Variants in LRP1B observed in about 807,000 individuals in gnomAD.
LRP1B encodes the protein low-density lipoprotein receptor-related protein 1B.
Under a neutral mutation model 556.6 loss-of-function variants are expected in LRP1B, and 217 were observed. That is an observed-to-expected ratio of 0.39 (90% confidence interval 0.35 to 0.44). The LOEUF is 0.44. Among genes scored for constraint, LRP1B ranks in the 20% least tolerant of loss-of-function variants. The pLI is 1.00. For missense variants in LRP1B, 5,053 were observed against 5,620.8 expected (o/e 0.90, Z 3.23); for synonymous variants, 2,047 against 1,865.8 (o/e 1.10, Z -2.50).
intron 68 of LRP1B, among the ~76,000 whole-genome samples, chr2:140,375,101 C>A (rs1183887068): frequency 6.6e-6 from 1 of 151,642 alleles, no homozygotes; most frequent in Non-Finnish European, 1.5e-5. Context: ...ACCTTTGCAA[C>A]CTCCAAAGTG....
rs190311643 is a variant in LRP1B at position 140,962,454 on chromosome 2, T to C, written c.2888-10514A>G. On this transcript the variant is annotated intron_variant, in intron 18 of 90. Coordinates refer to ENST00000389484, the MANE Select transcript of LRP1B (RefSeq NM_018557.3). ...TAGAGAATACATCAATAAAACACGATAGTGTTTTAAAACTTTAGAAGTTTT... is the reference window on the plus strand; with the variant it reads ...TAGAGAATACATCAATAAAACACGACAGTGTTTTAAAACTTTAGAAGTTTT... 3.4e-3 allele frequency among the ~76,000 whole-genome samples: 515 copies of C among 152,238 alleles called. 1 individual carries two copies. The highest frequency in any genetic ancestry group is 0.011 in the African/African-American group (439 of 41,538).
At chr2:141,027,037 GA>G (rs144575202) in intron 11 of LRP1B, among the ~76,000 whole-genome samples, 3 of 151,404 alleles carry the variant, frequency 2.0e-5, no homozygotes, top group Non-Finnish European at 4.4e-5. Context: ...GAATTGTAAA[GA>G]AAAAAAATGA....
At chr2:142,103,285 ACTT>A (rs1335385380) in intron 1 of LRP1B, among the ~76,000 whole-genome samples, 4 of 151,886 alleles carry the variant, frequency 2.6e-5, no homozygotes, top group East Asian at 1.9e-4. Flanking sequence ...ATTTGCATAA[ACTT>A]CTTTTCTTAT....
intron 43 of LRP1B, among the ~76,000 whole-genome samples, chr2:140,546,759 T>C (rs1680356007): frequency 6.6e-6 from 1 of 152,186 alleles, no homozygotes; most frequent in Non-Finnish European, 1.5e-5. Flanking sequence ...ATCGGAATGC[T>C]TCCAGCTTTT....
At position 142,130,757 on chromosome 2, in the gene LRP1B, C is replaced by G; in HGVS notation, c.-28G>C. 6.3e-7 allele frequency: 1 copy of G among 1,586,212 alleles called. No individual in the cohort carries two copies. Among genetic ancestry groups the G allele is most frequent in the Non-Finnish European group, 8.6e-7 (1 of 1,161,026 alleles). On this transcript the variant is annotated 5_prime_UTR_variant, in exon 1 of 91. Coordinates refer to ENST00000389484, the MANE Select transcript of LRP1B (RefSeq NM_018557.3). ...TGGTCGCCCGGTAAGGAAGCCTGCG[C>G]TGGAGACTGCTCGGCGGCACCTTCG...
At chr2:141,560,170 C>A (rs1305901708) in intron 2 of LRP1B, among the ~76,000 whole-genome samples, 1 of 151,636 alleles carries the variant, frequency 6.6e-6, no homozygotes, top group African/African-American at 2.4e-5. Context: ...TCACGATATA[C>A]TAAATTAGCT....
In LRP1B at chr2:141,862,984, T is replaced by C. The variant is rs1698297207; in HGVS notation, c.83-52583A>G. Among the ~76,000 whole-genome samples the C allele has an allele frequency of 2.0e-5, 3 of 152,192 alleles. 1 individual carries two copies. In the South Asian group the frequency reaches 6.2e-4, roughly 31 times the overall value. On this transcript the variant is annotated intron_variant, in intron 1 of 90. Coordinates refer to ENST00000389484, the MANE Select transcript of LRP1B (RefSeq NM_018557.3). ...TCAGTGTTGGCTGAATAGACCTTCT[T>C]ATTGCTGAGCTCTCTCTTATGCATT...
At chr2:141,963,966 C>A (rs1447051615) in intron 1 of LRP1B, among the ~76,000 whole-genome samples, 2 of 92,296 alleles carry the variant, frequency 2.2e-5, no homozygotes, top group African/African-American at 4.5e-5. Context: ...AAACAGAGAG[C>A]CAAATCATGA....
Position 141,020,084 on chromosome 2 carries a change from C to A in LRP1B, c.1808G>T (p.Gly603Val), listed in dbSNP as rs1162119235. The stretch of plus-strand genomic sequence containing the variant: ...ATTTCCAATCCAGTCCACAGCAATG[C>A]CCTCTACATTATCCAGATCTATAAA... ...ILKDDLDNVEGIAVDWIGNNL... is the reference protein window; with the variant it reads ...ILKDDLDNVEVIAVDWIGNNL... Residue 603 changes from glycine to valine, a missense_variant, in exon 12 of 91, where the codon GGC becomes GTC. By Grantham distance (109) the Gly-to-Val change is moderately radical. Transcript: ENST00000389484. 1 of 1,596,558 alleles carries A rather than the reference C, an allele frequency of 6.3e-7. No individual in the cohort carries two copies.
intron 35 of LRP1B, among the ~76,000 whole-genome samples, chr2:140,766,427 A>C (rs760176120): frequency 2.0e-5 from 3 of 152,024 alleles, no homozygotes; most frequent in Non-Finnish European, 2.9e-5. Flanking sequence ...AAAGGATCAG[A>C]CTGTAAAGTA....
chr2:140,675,910 A>T (rs555806828), intron 41 of LRP1B, among the ~76,000 whole-genome samples: 2 of 152,304 alleles, frequency 1.3e-5, no homozygotes, highest in East Asian at 3.9e-4. Flanking sequence ...TGCTCTCATT[A>T]TCAATTGCTA....
At chr2:142,049,626 C>T (rs1188277259) in intron 1 of LRP1B, among the ~76,000 whole-genome samples, 1 of 152,062 alleles carries the variant, frequency 6.6e-6, no homozygotes, top group African/African-American at 2.4e-5. Flanking sequence ...TATAATGCCT[C>T]ACGATTCCCA....
At chr2:140,588,021 T>A (rs1351741197) in intron 43 of LRP1B, among the ~76,000 whole-genome samples, 2 of 151,674 alleles carry the variant, frequency 1.3e-5, no homozygotes, top group African/African-American at 4.8e-5. Flanking sequence ...ATCAAAACAG[T>A]CTCAGATGAA....
intron 1 of LRP1B, among the ~76,000 whole-genome samples, chr2:141,953,791 TC>T (rs1387528866): frequency 6.6e-6 from 1 of 152,110 alleles, no homozygotes; most frequent in Non-Finnish European, 1.5e-5. Context: ...TGCCATTCAT[TC>T]ATTCATGTAT....
At chr2:141,043,635 G>GAAAT (rs1698773747) in intron 11 of LRP1B, among the ~76,000 whole-genome samples, 1 of 151,706 alleles carries the variant, frequency 6.6e-6, no homozygotes, top group African/African-American at 2.4e-5. Context: ...TGATATGAAA[G>GAAAT]GTTATTTTAA....
chr2:141,403,416 G>A (rs1220878802), intron 3 of LRP1B, among the ~76,000 whole-genome samples: 1 of 152,054 alleles, frequency 6.6e-6, no homozygotes, highest in Non-Finnish European at 1.5e-5. Context: ...ATAAAGGTAT[G>A]TAATATTAAC....
rs2105164866 is a variant in LRP1B, at chr2:140,370,737, C to T, written c.10981G>A (p.Gly3661Ser). 1.2e-6 allele frequency: 2 copies of T among 1,612,796 alleles called. No homozygotes were observed. The highest frequency in any genetic ancestry group is 1.7e-6 in the Non-Finnish European group (2 of 1,179,136). The change falls in exon 71 of 91, where the codon GGC becomes AGC. Residue 3661 changes from glycine (G) to serine (S), a missense_variant. By Grantham distance (56) the Gly-to-Ser change is moderately conservative (BLOSUM62 0). Coordinates refer to ENST00000389484, the MANE Select transcript of LRP1B (RefSeq NM_018557.3). ...CTTTCACAGTTCTCTTCATCACTGC[C>T]ATCCACACAGTCATGAATTCCATCA... is the stretch of plus-strand genomic sequence containing the variant. Reference protein sequence around the residue: ...LCDGIHDCVDGSDEENCERGG... With the variant: ...LCDGIHDCVDSSDEENCERGG...
In LRP1B at chr2:140,532,939, T is replaced by TAC. The variant is rs1392870411; in HGVS notation, c.7762+1081_7762+1082insGT. Among the ~76,000 whole-genome samples, 399 of 114,240 alleles carry TAC rather than the reference T, an allele frequency of 3.5e-3. 5 individuals carry two copies. Among genetic ancestry groups the TAC allele is most frequent in the East Asian group, 0.023 (75 of 3,258 alleles). The allele number at this position is 114,240 out of a possible 152,430, so 74.9% of individuals were successfully genotyped here. Reference sequence around the variant, plus strand: ...GCAATCACAGCACAAGATATATATATATATATATACACATATATATCTCGA... The same window carrying TAC: ...GCAATCACAGCACAAGATATATATATACATATATATACACATATATATCTCGA... On this transcript the variant is annotated intron_variant, in intron 47 of 90. Coordinates refer to ENST00000389484, the MANE Select transcript of LRP1B (RefSeq NM_018557.3).
intron 59 of LRP1B, among the ~76,000 whole-genome samples, chr2:140,483,075 G>A (rs1688307546): frequency 6.6e-6 from 1 of 152,096 alleles, no homozygotes; most frequent in Non-Finnish European, 1.5e-5. Flanking sequence ...TAGGCAAACA[G>A]CATGAACAAA....
Sources: allele counts gnomAD v4.1 joint callset (sites outside exome capture counted in the v4.1 genomes callset), GRCh38; gene constraint gnomAD v4.1.1; transcripts MANE v1.5; gene names NCBI Gene and HGNC (gene_info 2026-07-23, HGNC 2026-07-21).